RANBP17: variants seen among roughly 807,000 people sequenced by gnomAD.
The protein encoded by RANBP17 is RAN binding protein 17, also known as ran-binding protein 17.
RANBP17 carries 158 observed loss-of-function variants against 141.2 expected under a neutral mutation model. The observed-to-expected ratio is 1.12, with a 90% CI of 0.98 to 1.28. The LOEUF (loss-of-function observed/expected upper bound fraction) is 1.28, where lower values mean the gene tolerates loss of function less well. RANBP17 is among the 50% of genes most tolerant of loss of function. The pLI is 0.00. For missense variants in RANBP17, 1,438 were observed against 1,290.7 expected (o/e 1.11, Z -1.75); for synonymous variants, 430 against 450.0 (o/e 0.96, Z 0.56).
At chr5:171,116,500 T>C (rs1755642091) in intron 14 of RANBP17, among the ~76,000 whole-genome samples, 1 of 152,216 alleles carries the variant, frequency 6.6e-6, no homozygotes, top group South Asian at 2.1e-4. Context: ...GTTGATTTCT[T>C]TTTTTAAAAT....
chr5:171,240,641 TA>T (rs142986375), intron 22 of RANBP17, among the ~76,000 whole-genome samples: 18,326 of 152,150 alleles, frequency 0.12, 1,421 homozygotes, highest in East Asian at 0.16. Context: ...GAGTACAACT[TA>T]ATGAAATTTT....
chr5:171,034,919 C>T (rs532934128), intron 14 of RANBP17, among the ~76,000 whole-genome samples: 1 of 152,182 alleles, frequency 6.6e-6, no homozygotes, highest in East Asian at 1.9e-4. Flanking sequence ...AACCTCCAGG[C>T]TCAAGTGACC....
intron 1 of RANBP17, among the ~76,000 whole-genome samples, chr5:170,875,455 A>G (rs143792139): frequency 1.7e-4 from 26 of 152,146 alleles, no homozygotes; most frequent in African/African-American, 4.6e-4. Context: ...AGGTACTTCA[A>G]TCAGTCATAG....
At chr5:171,051,169 T>C (rs1782926807) in intron 14 of RANBP17, among the ~76,000 whole-genome samples, 2 of 151,526 alleles carry the variant, frequency 1.3e-5, no homozygotes, top group South Asian at 4.2e-4. Context: ...GATTTCTTTG[T>C]GTTTATCTTT....
chr5:171,135,707 AT>A (rs1757228415), intron 14 of RANBP17, among the ~76,000 whole-genome samples: 1 of 152,172 alleles, frequency 6.6e-6, no homozygotes, highest in African/African-American at 2.4e-5. Context: ...TAAAGAGAAA[AT>A]TCTTTTTCTC....
At chr5:171,171,123 TAC>T in intron 15 of RANBP17, 81 bp from the exon 16 acceptor site, 1 of 724,606 alleles carries the variant, frequency 1.4e-6, no homozygotes, top group South Asian at 1.8e-5. Context: ...TCATCAAACT[TAC>T]ATAAATTTAT....
At chr5:171,135,760 A>G (rs1337725822) in intron 14 of RANBP17, among the ~76,000 whole-genome samples, 1 of 152,188 alleles carries the variant, frequency 6.6e-6, no homozygotes, top group Non-Finnish European at 1.5e-5. Flanking sequence ...AATACCGTAT[A>G]TTGAATTCTT....
chr5:171,001,214 T>C (rs1049582658), intron 14 of RANBP17, among the ~76,000 whole-genome samples: 1 of 151,946 alleles, frequency 6.6e-6, no homozygotes, highest in Non-Finnish European at 1.5e-5. Flanking sequence ...AAGAAAGATT[T>C]TGGGGTAAGG....
intron 12 of RANBP17, among the ~76,000 whole-genome samples, chr5:170,932,190 A>G (rs892024515): frequency 7.9e-5 from 12 of 151,696 alleles, no homozygotes; most frequent in Non-Finnish European, 1.3e-4. Context: ...GAATTCACTC[A>G]TGATTTGGCT....
At chr5:171,278,422 G>A (rs1332319030) in intron 25 of RANBP17, among the ~76,000 whole-genome samples, 1 of 152,122 alleles carries the variant, frequency 6.6e-6, no homozygotes, top group Non-Finnish European at 1.5e-5. Context: ...GGGAGGCTGA[G>A]GCAGGAGAAT....
chr5:170,862,123 A>T (rs1230096966), intron 1 of RANBP17, 72 bp downstream of exon 1: 1 of 1,373,458 alleles, frequency 7.3e-7, no homozygotes, highest in African/African-American at 1.5e-5. Flanking sequence ...CTGGAGACCG[A>T]GGGCCGAGGA....
chr5:171,279,241 G>A (rs1353925387), intron 25 of RANBP17, among the ~76,000 whole-genome samples: 2 of 152,206 alleles, frequency 1.3e-5, no homozygotes, highest in East Asian at 3.8e-4. Context: ...TTCAGGCATT[G>A]CCTTGCAGTG....
Position 171,147,808 on chromosome 5 carries a change from C to G in RANBP17, c.1711-22322C>G, listed in dbSNP as rs575796752. The stretch of plus-strand genomic sequence containing the variant: ...GCCCGGCCAGCCGCCCCGTCCGGGA[C>G]GTGAGGGGTGCCTCTGCCCGGCCGC... On this transcript the variant is annotated intron_variant, in intron 14 of 27. Coordinates refer to ENST00000523189, the MANE Select transcript of RANBP17 (RefSeq NM_022897.5). Among the ~76,000 whole-genome samples, 192 of 152,248 alleles carry G rather than the reference C, an allele frequency of 1.3e-3. 3 individuals are homozygous for G. In the East Asian group the frequency reaches 0.035, roughly 28 times the overall value.
At chr5:171,009,347 A>G (rs1004605761) in intron 14 of RANBP17, among the ~76,000 whole-genome samples, 1 of 152,196 alleles carries the variant, frequency 6.6e-6, no homozygotes, top group African/African-American at 2.4e-5. Flanking sequence ...AGCTATTAAC[A>G]TTGCTTTACT....
intron 16 of RANBP17, among the ~76,000 whole-genome samples, chr5:171,181,281 C>G (rs1458417336): frequency 6.6e-6 from 1 of 151,828 alleles, no homozygotes; most frequent in Non-Finnish European, 1.5e-5. Context: ...AAACCCCATC[C>G]CTACTAAAAA....
At chr5:170,999,267 TTCTTTCATCA>T (rs1779039808) in intron 14 of RANBP17, among the ~76,000 whole-genome samples, 1 of 152,136 alleles carries the variant, frequency 6.6e-6, no homozygotes, top group Non-Finnish European at 1.5e-5. Context: ...GGATGGGGTT[TTCTTTCATCA>T]TATTTTTATA....
intron 14 of RANBP17, among the ~76,000 whole-genome samples, chr5:171,025,285 G>A (rs1248199269): frequency 6.6e-6 from 1 of 152,146 alleles, no homozygotes; most frequent in Non-Finnish European, 1.5e-5. Context: ...GTGTTTTTAG[G>A]ATAAAGATCA....
At chr5:171,199,803 C>A (rs1279195668) in intron 19 of RANBP17, 30 bp downstream of exon 19, 2 of 1,413,974 alleles carry the variant, frequency 1.4e-6, no homozygotes, top group East Asian at 4.7e-5. Context: ...TGAGGAATGA[C>A]AGTTTTGTTT....
chr5:171,034,981 G>T (rs1333206126), intron 14 of RANBP17, among the ~76,000 whole-genome samples: 1 of 151,662 alleles, frequency 6.6e-6, no homozygotes, highest in African/African-American at 2.4e-5. Context: ...GCCACCACAG[G>T]TTTGGTTTTT....
Sources: allele counts gnomAD v4.1 joint callset (sites outside exome capture counted in the v4.1 genomes callset), GRCh38; gene constraint gnomAD v4.1.1; transcripts MANE v1.5; gene names NCBI Gene and HGNC (gene_info 2026-07-23, HGNC 2026-07-21).